The following NFATC4 variants were observed in gnomAD, a reference collection of about 807,000 sequenced individuals.
NFATC4 encodes nuclear factor of activated T-cells, cytoplasmic 4.
Under a neutral mutation model 73.4 loss-of-function variants are expected in NFATC4, and 25 were observed. The observed-to-expected ratio is 0.34, with a 90% CI of 0.25 to 0.48. The LOEUF (loss-of-function observed/expected upper bound fraction) is 0.48. Ranked by LOEUF, NFATC4 falls within the 20% of genes least tolerant of loss-of-function variation. The pLI, the probability that NFATC4 is intolerant of heterozygous loss-of-function variation, is 0.99. For synonymous variants in NFATC4, 523 were observed against 510.3 expected (o/e 1.02, Z -0.34); for missense variants, 1,130 against 1,203.7 (o/e 0.94, Z 0.91).
intron 5 of NFATC4, 74 bp from the exon 6 acceptor site, chr14:24,374,252 A>C (rs2139301858): frequency 9.8e-6 from 15 of 1,532,788 alleles, no homozygotes; most frequent in Non-Finnish European, 1.3e-5. Context: ...AGTTTTCCCA[A>C]AGAGGGTGGG....
At position 24,370,015 on chromosome 14, in the gene NFATC4, C is replaced by T. The variant is rs1443554122; in HGVS notation, c.617C>T (p.Ala206Val). ...GTGGAGTCTGAGCTAAATGAGGCGG[C>T]CTCCCGCTTTGGCCTGGGCTCCCCG... is the stretch of plus-strand genomic sequence containing the variant. ...DEVESELNEAASRFGLGSPLP... is the reference protein window; with the variant it reads ...DEVESELNEAVSRFGLGSPLP... Residue 206 changes from alanine to valine, a missense_variant, in exon 2 of 10, where the codon GCC (alanine) becomes GTC (valine). Ala to Val is a moderately conservative substitution (Grantham distance 64, BLOSUM62 0). Coordinates refer to ENST00000250373, the MANE Select transcript of NFATC4 (RefSeq NM_004554.5). 6.2e-7 allele frequency: 1 copy of T among 1,612,380 alleles called. No homozygotes were observed. Among genetic ancestry groups the T allele is most frequent in the South Asian group, 1.1e-5 (1 of 91,090 alleles).
Position 24,377,489 on chromosome 14 carries a change from A to C in NFATC4, c.2642-149A>C. The C allele has an allele frequency of 6.8e-7, 1 of 1,460,094 alleles. No individual in the cohort carries two copies. Among genetic ancestry groups the C allele is most frequent in the Non-Finnish European group, 9.0e-7 (1 of 1,109,202 alleles). 90.4% of individuals were successfully genotyped at this position (1,460,094 alleles called of 1,614,324 possible). A position where few individuals can be genotyped will look rare whatever the true frequency, so the allele number is the denominator to read the frequency against. On this transcript the variant is annotated intron_variant, in intron 9 of 9. Coordinates refer to ENST00000250373, the MANE Select transcript of NFATC4 (RefSeq NM_004554.5). The surrounding 1 kb of genome is among the most constrained non-coding windows in gnomAD (Gnocchi z 4.2). ...GAGCAGGTGTCAAGACGTGTTGGGG[A>C]AACTGAGGCCCAGTGGAATAGAAGC...
At position 24,374,370 on chromosome 14, in the gene NFATC4, C is replaced by T. The variant is rs756434197; in HGVS notation, c.1777C>T (p.Pro593Ser). ...QELPQVEAYSPSACSVRGGEE... is the reference protein window; with the variant it reads ...QELPQVEAYSSSACSVRGGEE... ...GCTGCCCCAGGTGGAGGCCTACAGC[C>T]CCAGTGCCTGCTCTGTGAGAGGAGG... The change falls in exon 6 of 10, where the codon CCC becomes TCC. Residue 593 changes from proline (P) to serine (S), a missense_variant. By Grantham distance (74) the Pro-to-Ser change is moderately conservative. Around this residue, in one of 3 missense-constraint regions of NFATC4, gnomAD observed 390 missense variants for 408.1 expected, o/e 0.96. Coordinates refer to ENST00000250373, the MANE Select transcript of NFATC4 (RefSeq NM_004554.5). The T allele has an allele frequency of 1.9e-6, 3 of 1,613,950 alleles. No homozygotes were observed. The highest frequency in any genetic ancestry group is 2.2e-5 in the East Asian group (1 of 44,884).
rs1488787928 is a variant in NFATC4, at chr14:24,374,102, T to G, written c.1733-224T>G. On this transcript the variant is annotated intron_variant, in intron 5 of 9. Coordinates refer to ENST00000250373, the MANE Select transcript of NFATC4 (RefSeq NM_004554.5). ...TCCTGGGGTGCCCTGTGCCCTTGTT[T>G]GGGAAACTCCCTGGTCTACCCTGTT... 3 of 888,358 alleles carry G rather than the reference T, an allele frequency of 3.4e-6. No homozygotes were observed. The African/African-American group carries it at 4.9e-5, about 15-fold the overall frequency. The allele number at this position is 888,358 out of a possible 1,614,324, so 55.0% of individuals were successfully genotyped here. A position where few individuals can be genotyped will look rare whatever the true frequency, so the allele number is the denominator to read the frequency against.
chr14:24,367,679 T>G (rs1183095043), upstream of NFATC4: 2 of 1,534,580 alleles, frequency 1.3e-6, no homozygotes, highest in Non-Finnish European at 1.7e-6. Flanking sequence ...GAATAGCCTT[T>G]TCCTCTTCCG....
chr14:24,369,747 C>T lies in NFATC4; in HGVS notation c.349C>T (p.Arg117Cys). The T allele has an allele frequency of 2.5e-6, 4 of 1,606,114 alleles. No homozygotes were observed. Among genetic ancestry groups the T allele is most frequent in the Non-Finnish European group, 3.4e-6 (4 of 1,176,444 alleles). Reference protein sequence around the residue: ...GGRVLECPSIRITSISPTPEP... With the variant: ...GGRVLECPSICITSISPTPEP... ...CCGTGTTCTCGAGTGTCCCAGCATCCGCATCACCTCCATCTCTCCCACGCC... is the reference window on the plus strand; with the variant it reads ...CCGTGTTCTCGAGTGTCCCAGCATCTGCATCACCTCCATCTCTCCCACGCC... The change falls in exon 2 of 10, where the codon CGC becomes TGC. Residue 117 changes from arginine to cysteine, a missense_variant. Arg to Cys is a radical substitution (Grantham distance 180). This residue lies in a region of NFATC4 where 585 missense variants were observed against 574.3 expected (regional missense o/e 1.02). Transcript: ENST00000250373.
Position 24,376,490 on chromosome 14 carries a change from G to T in NFATC4, c.2253G>T (p.Gln751His). 6.2e-7 allele frequency: 1 copy of T among 1,613,670 alleles called. No homozygotes were observed. Among genetic ancestry groups the T allele is most frequent in the Non-Finnish European group, 8.5e-7 (1 of 1,179,828 alleles). Residue 751 changes from glutamine (Q) to histidine (H), a missense_variant, in exon 9 of 10, where the codon CAG (glutamine) becomes CAT (histidine). Gln to His is a conservative substitution (Grantham distance 24). This residue lies in a region of NFATC4 where 390 missense variants were observed against 408.1 expected (regional missense o/e 0.96). Transcript: ENST00000250373. The surrounding 1 kb of genome is among the most constrained non-coding windows in gnomAD (Gnocchi z 5.0). ...ATGGCATGCCCCCTCTGTACCCCCAGACGGGGCCCCCACCATCCTACAGAC... is the reference window on the plus strand; with the variant it reads ...ATGGCATGCCCCCTCTGTACCCCCATACGGGGCCCCCACCATCCTACAGAC... ...FGYGMPPLYP[Q>H]TGPPPSYRPG...
In NFATC4 at chr14:24,368,322, G is replaced by T; in HGVS notation, c.-19G>T. 7.2e-7 allele frequency: 1 copy of T among 1,393,568 alleles called. No homozygotes were observed. Among genetic ancestry groups the T allele is most frequent in the African/African-American group, 1.5e-5 (1 of 65,544 alleles). 86.3% of individuals were successfully genotyped at this position (1,393,568 alleles called of 1,614,324 possible). On this transcript the variant is annotated 5_prime_UTR_variant, in exon 1 of 10. Transcript: ENST00000250373. ...CCCCCTCCCACCCAGGCCGGGACCT[G>T]GGGGCTCCTGCCGGATCCATGGGGG...
rs1321460246 is a variant in NFATC4 at position 24,378,103 on chromosome 14, T to C, written c.*398T>C. 9.5e-6 allele frequency: 2 copies of C among 211,208 alleles called. No homozygotes were observed. The highest frequency in any genetic ancestry group is 4.5e-5 in the African/African-American group (2 of 44,490). 13.1% of individuals were successfully genotyped at this position (211,208 alleles called of 1,614,324 possible). On this transcript the variant is annotated 3_prime_UTR_variant, in exon 10 of 10. Coordinates refer to ENST00000250373, the MANE Select transcript of NFATC4 (RefSeq NM_004554.5). ...GGAGAGATGGGTTGGGGCAGCTTACTCCAGCCCTGGCCCAAGGAGGCCCAG... is the reference window on the plus strand; with the variant it reads ...GGAGAGATGGGTTGGGGCAGCTTACCCCAGCCCTGGCCCAAGGAGGCCCAG...
rs2042418834 is a variant in NFATC4 at position 24,369,814 on chromosome 14, G to A, written c.416G>A (p.Gly139Glu). 2 of 1,599,246 alleles carry A rather than the reference G, an allele frequency of 1.3e-6. No homozygotes were observed. The highest frequency in any genetic ancestry group is 1.7e-6 in the Non-Finnish European group (2 of 1,172,934). The change falls in exon 2 of 10, where the codon GGG becomes GAG. Residue 139 changes from glycine to glutamate, a missense_variant. By Grantham distance (98) the Gly-to-Glu change is moderately conservative. Coordinates refer to ENST00000250373, the MANE Select transcript of NFATC4 (RefSeq NM_004554.5). Reference sequence around the variant, plus strand: ...CTGGAGGACAACCCTGATGCCTGGGGGGACGGCTCTCCTAGAGATTACCCC... The same window carrying A: ...CTGGAGGACAACCCTGATGCCTGGGAGGACGGCTCTCCTAGAGATTACCCC... Reference protein sequence around the residue: ...AALEDNPDAWGDGSPRDYPPP... With the variant: ...AALEDNPDAWEDGSPRDYPPP...
Position 24,369,560 on chromosome 14 carries a change from T to C in NFATC4, c.162T>C (p.Tyr54=), listed in dbSNP as rs768673187. 2 of 1,611,288 alleles carry C rather than the reference T, an allele frequency of 1.2e-6. No individual in the cohort carries two copies. The highest frequency in any genetic ancestry group is 2.2e-5 in the East Asian group (1 of 44,806). Residue 54 remains tyrosine, a synonymous_variant, in exon 2 of 10, where the codon TAT becomes TAC. Coordinates refer to ENST00000250373, the MANE Select transcript of NFATC4 (RefSeq NM_004554.5). ...CRLALGEPPP[Y]GAAPIGIPRP... ...TGGCCTTGGGAGAGCCCCCTCCCTA[T>C]GGCGCTGCACCTATCGGTATTCCCC...
chr14:24,373,846 G>A lies in NFATC4; in HGVS notation c.1711G>A (p.Ala571Thr). The A allele has an allele frequency of 6.2e-7, 1 of 1,614,068 alleles. No individual in the cohort carries two copies. The highest frequency in any genetic ancestry group is 8.5e-7 in the Non-Finnish European group (1 of 1,180,032). Residue 571 changes from alanine to threonine, a missense_variant, in exon 5 of 10, where the codon GCA becomes ACA. By Grantham distance (58) the Ala-to-Thr change is moderately conservative. This residue lies in a region of NFATC4 where 155 missense variants were observed against 221.2 expected (regional missense o/e 0.70). Transcript: ENST00000250373. This position sits in a 1 kb window ranked among gnomAD's most constrained non-coding sequence, Gnocchi z 4.7. ...GGGKVVSVQA[A>T]SVPIECSQRS... ...CGGGAAGGTCGTCTCAGTACAGGCAGCATCGGTGCCCATCGAGTGCTGTGA... is the reference window on the plus strand; with the variant it reads ...CGGGAAGGTCGTCTCAGTACAGGCAACATCGGTGCCCATCGAGTGCTGTGA...
Position 24,368,282 on chromosome 14 carries a change from C to A in NFATC4, c.-59C>A. ...GGGAGCCACCCGGGTGAAGATACAG[C>A]AGCCTCCTGAACTCCCCCCTCCCAC... On this transcript the variant is annotated 5_prime_UTR_variant, in exon 1 of 10. Coordinates refer to ENST00000250373, the MANE Select transcript of NFATC4 (RefSeq NM_004554.5). 1 of 1,370,754 alleles carries A rather than the reference C, an allele frequency of 7.3e-7. No individual in the cohort carries two copies. The highest frequency in any genetic ancestry group is 9.4e-7 in the Non-Finnish European group (1 of 1,062,168). 84.9% of individuals were successfully genotyped at this position (1,370,754 alleles called of 1,614,324 possible). A position where few individuals can be genotyped will look rare whatever the true frequency, so the allele number is the denominator to read the frequency against.
At chr14:24,368,756 GGAGGTTTGGCGCTGGAGCTGGCC>G (rs1165819152) in intron 1 of NFATC4, among the ~76,000 whole-genome samples, 47 of 152,186 alleles carry the variant, frequency 3.1e-4, no homozygotes, top group African/African-American at 1.1e-3. Flanking sequence ...CAGGGGAAGG[GGAGGTTTGGCGCTGGAGCTGGCC>G]CCTGGCGGAC....
At chr14:24,368,131 TGG>T (rs3215609), upstream of NFATC4, 231 of 1,133,382 alleles carry the variant, frequency 2.0e-4, 2 homozygotes, top group South Asian at 4.7e-3. Context: ...AGGGACAGGC[TGG>T]GGGGGGGACC....
rs754416853 is a variant in NFATC4, at chr14:24,369,600, C to G, written c.202C>G (p.Arg68Gly). Residue 68 changes from arginine to glycine, a missense_variant, in exon 2 of 10, where the codon CGG becomes GGG. Physicochemically the swap from Arg to Gly is moderately radical, Grantham distance 125. Coordinates refer to ENST00000250373, the MANE Select transcript of NFATC4 (RefSeq NM_004554.5). ...CGGTATTCCCCGACCTCCACCCCCT[C>G]GGCCTGGCATGCATTCGCCACCGCC... ...PIGIPRPPPPRPGMHSPPPRP... is the reference protein window; with the variant it reads ...PIGIPRPPPPGPGMHSPPPRP... The G allele has an allele frequency of 8.1e-6, 13 of 1,613,112 alleles. No homozygotes were observed. The highest frequency in any genetic ancestry group is 1.0e-5 in the Non-Finnish European group (12 of 1,179,834).
chr14:24,368,942 T>A (rs2042383805), intron 1 of NFATC4: 2 of 702,348 alleles, frequency 2.8e-6, no homozygotes, highest in African/African-American at 1.9e-5. Flanking sequence ...GAATCCGCGC[T>A]GCCCGCTGCC....
Position 24,376,373 on chromosome 14 carries a change from C to T in NFATC4, c.2136C>T (p.Asp712=), listed in dbSNP as rs759121497. Residue 712 remains aspartate (D), a synonymous_variant, in exon 9 of 10, where the codon GAC becomes GAT. Coordinates refer to ENST00000250373, the MANE Select transcript of NFATC4 (RefSeq NM_004554.5). The surrounding 1 kb of genome is among the most constrained non-coding windows in gnomAD (Gnocchi z 5.0). ...PSASATPFGT[D]MDFSPPRPPY... is the part of the protein sequence containing the mutation. Reference sequence around the variant, plus strand: ...CATCGGCAACCCCCTTTGGCACTGACATGGACTTCTCACCACCCAGGCCCC... The same window carrying T: ...CATCGGCAACCCCCTTTGGCACTGATATGGACTTCTCACCACCCAGGCCCC... The T allele has an allele frequency of 6.2e-7, 1 of 1,612,328 alleles. No homozygotes were observed.
At chr14:24,370,705 G>C in intron 2 of NFATC4, 111 bp downstream of exon 2, 1 of 1,417,434 alleles carries the variant, frequency 7.1e-7, no homozygotes, top group Non-Finnish European at 9.4e-7. Context: ...AATTTCAAAA[G>C]AGTATCTGCA....
Sources: gnomAD v4.1 joint callset for allele counts (sites outside exome capture counted in the v4.1 genomes callset) on GRCh38, gnomAD v4.1.1 for gene constraint, gnomAD v4.1.1 regional missense constraint, Gnocchi (gnomAD v3.1) non-coding constraint, MANE v1.5 for transcripts, NCBI Gene and HGNC (gene_info 2026-07-23, HGNC 2026-07-21) for gene names.